LRRK1: variants seen among roughly 807,000 people sequenced by gnomAD.
The protein encoded by LRRK1 is leucine rich repeat kinase 1, also known as leucine-rich repeat serine/threonine-protein kinase 1.
Under a neutral mutation model 209.1 loss-of-function variants are expected in LRRK1, and 113 were observed. The ratio of observed to expected loss-of-function variants is 0.54; its 90% CI spans 0.46 to 0.63. LRRK1 has a LOEUF of 0.63. Ranked by LOEUF, LRRK1 falls within the 30% of genes least tolerant of loss-of-function variation. LRRK1 has a pLI of 0.00. For synonymous variants in LRRK1, 1,144 were observed against 1,099.7 expected (o/e 1.04, Z -0.80); for missense variants, 2,284 against 2,632.2 (o/e 0.87, Z 2.89).
At chr15:100,930,955 G>A (rs1235750002) in intron 2 of LRRK1, among the ~76,000 whole-genome samples, 1 of 152,196 alleles carries the variant, frequency 6.6e-6, no homozygotes. Context: ...ATAAGAAGCT[G>A]CTATTATTCT....
rs556562038 is a variant in LRRK1, at chr15:101,068,941, A to G, written c.*93A>G. Reference sequence around the variant, plus strand: ...TCGGCCTCTAGTTCTCCAAGGACCTAGAAGACAGATGGAGTTCTCCCCTGA... The same window carrying G: ...TCGGCCTCTAGTTCTCCAAGGACCTGGAAGACAGATGGAGTTCTCCCCTGA... On this transcript the variant is annotated 3_prime_UTR_variant, in exon 34 of 34. Coordinates refer to ENST00000388948, the MANE Select transcript of LRRK1 (RefSeq NM_024652.6). 2.3e-6 allele frequency: 3 copies of G among 1,279,334 alleles called. No homozygotes were observed. Among genetic ancestry groups the G allele is most frequent in the Admixed American group, 2.7e-5 (1 of 37,434 alleles). The allele number at this position is 1,279,334 out of a possible 1,614,324, so 79.2% of individuals were successfully genotyped here.
Position 101,066,097 on chromosome 15 carries a change from C to A in LRRK1, c.5660C>A (p.Ala1887Asp). The stretch of plus-strand genomic sequence containing the variant: ...GACATGCTACATACGCCCGGTGCTG[C>A]CTCCGACAGGTCTGAGCATGACCTG... Reference protein sequence around the residue: ...DSDMLHTPGAASDRSEHDLTP... With the variant: ...DSDMLHTPGADSDRSEHDLTP... The change falls in exon 32 of 34, where the codon GCC (alanine) becomes GAC (aspartate). Residue 1887 changes from alanine (A) to aspartate (D), a missense_variant. This residue lies in a region of LRRK1 where 643 missense variants were observed against 695.9 expected (regional missense o/e 0.92). Transcript: ENST00000388948. 1 of 1,614,166 alleles carries A rather than the reference C, an allele frequency of 6.2e-7. No homozygotes were observed. The highest frequency in any genetic ancestry group is 1.1e-5 in the South Asian group (1 of 91,084).
chr15:101,072,608 T>G lies in LRRK1; in HGVS notation c.*3760T>G, dbSNP rs914966748. On this transcript the variant is annotated 3_prime_UTR_variant, in exon 34 of 34. Transcript: ENST00000388948. ...TGAATATGCCCTGCCCCGCCTTAAC[T>G]GATGACATTCCACCACAAAAGAAGT... The G allele has an allele frequency of 6.4e-6, 1 of 155,730 alleles. No individual in the cohort carries two copies. The highest frequency in any genetic ancestry group is 2.4e-5 in the African/African-American group (1 of 41,494). 9.6% of individuals were successfully genotyped at this position (155,730 alleles called of 1,614,324 possible). A position where few individuals can be genotyped will look rare whatever the true frequency, so the allele number is the denominator to read the frequency against.
Position 100,988,785 on chromosome 15 carries a change from C to T in LRRK1, c.585C>T (p.Arg195=), listed in dbSNP as rs960894937. Residue 195 remains arginine (R), a synonymous_variant, in exon 5 of 34, where the codon CGC becomes CGT. Coordinates refer to ENST00000388948, the MANE Select transcript of LRRK1 (RefSeq NM_024652.6). ...VRKNEFPVIV[R]LPLYAAIKSG... ...AGAATGAGTTCCCTGTCATCGTGCG[C>T]TTGCCCCTGTATGCGGCCATCAAGT... The T allele has an allele frequency of 1.2e-6, 2 of 1,609,364 alleles. No individual in the cohort carries two copies. The highest frequency in any genetic ancestry group is 1.3e-5 in the African/African-American group (1 of 74,872).
At chr15:101,006,105 A>G (rs2032937447) in intron 6 of LRRK1, among the ~76,000 whole-genome samples, 1 of 152,236 alleles carries the variant, frequency 6.6e-6, no homozygotes, top group Non-Finnish European at 1.5e-5. Context: ...AGGGACTGAT[A>G]GACACCACCT....
Position 101,058,622 on chromosome 15 carries a change from G to GGGC in LRRK1, c.4679+483_4679+484insCGG, listed in dbSNP as rs971618390. 2.7e-4 allele frequency among the ~76,000 whole-genome samples: 26 copies of GGGC among 96,964 alleles called. 6 individuals carry two copies. The highest frequency in any genetic ancestry group is 7.4e-4 in the African/African-American group (25 of 33,808). 63.6% of individuals were successfully genotyped at this position (96,964 alleles called of 152,430 possible). On this transcript the variant is annotated intron_variant, in intron 29 of 33. Coordinates refer to ENST00000388948, the MANE Select transcript of LRRK1 (RefSeq NM_024652.6). ...CCAGATTGCAGAAGGGGCAACGGGG[G>GGGC]GGGGCGTCTAAACAGAGTTGGGGTT...
rs545709929 is a variant in LRRK1 at position 101,045,130 on chromosome 15, C to T, written c.2964-851C>T. 8.5e-5 allele frequency among the ~76,000 whole-genome samples: 13 copies of T among 152,362 alleles called. No individual in the cohort carries two copies. The East Asian group carries it at 2.5e-3, about 29-fold the overall frequency. On this transcript the variant is annotated intron_variant, in intron 20 of 33. Coordinates refer to ENST00000388948, the MANE Select transcript of LRRK1 (RefSeq NM_024652.6). The stretch of plus-strand genomic sequence containing the variant: ...GAGCCGAGACTTGCGCCTGTATGCT[C>T]GGGCCATGGGCTGTCACTGAATTTT...
intron 10 of LRRK1, among the ~76,000 whole-genome samples, chr15:101,013,884 G>A (rs185267087): frequency 6.6e-6 from 1 of 152,202 alleles, no homozygotes; most frequent in Non-Finnish European, 1.5e-5. Flanking sequence ...GCTGGCCCAG[G>A]AGGCCACCCA....
intron 6 of LRRK1, among the ~76,000 whole-genome samples, chr15:100,999,143 AT>A (rs948085329): frequency 1.3e-5 from 2 of 152,080 alleles, no homozygotes; most frequent in African/African-American, 2.4e-5. Flanking sequence ...TATTTCTTGC[AT>A]TTTTTTCCCT....
intron 2 of LRRK1, among the ~76,000 whole-genome samples, chr15:100,933,378 G>A (rs768353684): frequency 6.6e-6 from 1 of 151,970 alleles, no homozygotes; most frequent in Non-Finnish European, 1.5e-5. Flanking sequence ...TTCATGCATG[G>A]GACATTTCTT....
chr15:101,046,654 G>A (rs1411971650), intron 21 of LRRK1, among the ~76,000 whole-genome samples: 1 of 152,170 alleles, frequency 6.6e-6, no homozygotes, highest in South Asian at 2.1e-4. Flanking sequence ...CAGACCGATT[G>A]AATCAGGGTC....
chr15:100,983,589 G>A lies in LRRK1; in HGVS notation c.323G>A (p.Ser108Asn), dbSNP rs202052348. ...CTGGAGATGGTCCGCTACCTACTCAGCAAGAGACTGGTGGAGCTGCCCACC... is the reference window on the plus strand; with the variant it reads ...CTGGAGATGGTCCGCTACCTACTCAACAAGAGACTGGTGGAGCTGCCCACC... ...GDLEMVRYLL[S>N]KRLVELPTEP... Residue 108 changes from serine to asparagine, a missense_variant, in exon 4 of 34, where the codon AGC becomes AAC. Around this residue, in one of 6 missense-constraint regions of LRRK1, gnomAD observed 134 missense variants for 191.7 expected, o/e 0.70. Coordinates refer to ENST00000388948, the MANE Select transcript of LRRK1 (RefSeq NM_024652.6). 145 of 1,612,118 alleles carry A rather than the reference G, an allele frequency of 9.0e-5. No homozygotes were observed. Among genetic ancestry groups the A allele is most frequent in the Middle Eastern group, 4.9e-4 (3 of 6,078 alleles).
At chr15:101,067,339 G>A (rs2036588065) in intron 33 of LRRK1, 1 of 455,726 alleles carries the variant, frequency 2.2e-6, no homozygotes, top group Non-Finnish European at 4.4e-6. Context: ...GCCAGCTGCA[G>A]CTCCCCACAG....
Position 100,924,582 on chromosome 15 carries a change from G to GCAGTGA in LRRK1, c.-48_-43dup. 7 of 1,533,334 alleles carry GCAGTGA rather than the reference G, an allele frequency of 4.6e-6. No individual in the cohort carries two copies. Among genetic ancestry groups the GCAGTGA allele is most frequent in the Non-Finnish European group, 6.3e-6 (7 of 1,107,584 alleles). 95.0% of individuals were successfully genotyped at this position (1,533,334 alleles called of 1,614,324 possible). On this transcript the variant is annotated 5_prime_UTR_variant, in exon 2 of 34. Transcript: ENST00000388948. ...ATGCACCCCACAGCCAGCGGCAGTG[G>GCAGTGA]CAGTGACAACAGCGGGACCTGCCTT...
At chr15:101,058,225 C>A in intron 29 of LRRK1, 84 bp downstream of exon 29, 1 of 1,388,038 alleles carries the variant, frequency 7.2e-7, no homozygotes, top group Non-Finnish European at 1.0e-6. Flanking sequence ...CGATGTTGAC[C>A]ACAGTGAGAA....
intron 12 of LRRK1, among the ~76,000 whole-genome samples, chr15:101,016,536 C>T (rs1409684429): frequency 6.6e-6 from 1 of 152,160 alleles, no homozygotes; most frequent in African/African-American, 2.4e-5. Flanking sequence ...ACCCTCATGA[C>T]CTCATCTAAA....
At chr15:101,049,622 C>T (rs767382188) in intron 22 of LRRK1, 22 bp from the exon 23 acceptor site, 15 of 1,611,254 alleles carry the variant, frequency 9.3e-6, no homozygotes, top group Non-Finnish European at 1.2e-5. Flanking sequence ...GCAATGGGCT[C>T]CTTTTGGTCT....
In LRRK1 at chr15:101,005,069, C is replaced by T. The variant is rs930647164; in HGVS notation, c.763-3768C>T. On this transcript the variant is annotated intron_variant, in intron 6 of 33. Transcript: ENST00000388948. Reference sequence around the variant, plus strand: ...CCATACGGAAAGACCATAATGGCCACGCAGAGTGAGTGGAGAGGGTTGGAT... The same window carrying T: ...CCATACGGAAAGACCATAATGGCCATGCAGAGTGAGTGGAGAGGGTTGGAT... Among the ~76,000 whole-genome samples, 6 of 152,144 alleles carry T rather than the reference C, an allele frequency of 3.9e-5. No homozygotes were observed. In the South Asian group the frequency reaches 6.2e-4, roughly 16 times the overall value.
chr15:101,055,028 GA>G lies in LRRK1; in HGVS notation c.4142del (p.Asn1381ThrfsTer7). Reference sequence around the variant, plus strand: ...CCTCGGGCCTGGCCTACCTGCACAAGAAAAACATCATCTTCTGTGACCTGAA... The same window carrying G: ...CCTCGGGCCTGGCCTACCTGCACAAGAAAACATCATCTTCTGTGACCTGAA... ...IASGLAYLHK[K>X]NIIFCDLKSD... On this transcript the variant is annotated frameshift_variant, in exon 27 of 34. Transcript: ENST00000388948. LOFTEE classifies it high-confidence loss of function. The G allele has an allele frequency of 6.2e-7, 1 of 1,614,136 alleles. No individual in the cohort carries two copies. The highest frequency in any genetic ancestry group is 8.5e-7 in the Non-Finnish European group (1 of 1,180,016).
Sources: allele counts gnomAD v4.1 joint callset (sites outside exome capture counted in the v4.1 genomes callset), GRCh38; gene constraint gnomAD v4.1.1; regional missense constraint gnomAD v4.1.1; transcripts MANE v1.5; gene names NCBI Gene and HGNC (gene_info 2026-07-23, HGNC 2026-07-21).